The following MDGA2 variants were observed in gnomAD, a reference collection of about 807,000 sequenced individuals.
MDGA2 encodes MAM domain containing glycosylphosphatidylinositol anchor 2.
In MDGA2, 40 loss-of-function variants were observed where a neutral mutation model predicts 117.8. That is an observed-to-expected ratio of 0.34 (90% CI 0.26 to 0.44). The LOEUF is 0.44. Among genes scored for constraint, MDGA2 ranks in the 20% least tolerant of loss-of-function variants. The pLI, the probability that MDGA2 is intolerant of heterozygous loss-of-function variation, is 1.00. For missense variants in MDGA2, 1,123 were observed against 1,250.6 expected, an observed-to-expected ratio of 0.90 and a Z score of 1.54; for synonymous variants, 452 against 439.0, an observed-to-expected ratio of 1.03 and a Z score of -0.37.
chr14:47,183,187 A>G (rs77194036), intron 3 of MDGA2, among the ~76,000 whole-genome samples: 1,760 of 152,208 alleles, frequency 0.012, 41 homozygotes, highest in African/African-American at 0.041. Flanking sequence ...ACTACATTTG[A>G]GACATCTACA....
chr14:47,497,364 C>A (rs1298960018), intron 1 of MDGA2, among the ~76,000 whole-genome samples: 6 of 152,164 alleles, frequency 3.9e-5, no homozygotes, highest in Admixed American at 3.3e-4. Context: ...TCAATCAATT[C>A]TCCTGCCTCA....
chr14:46,928,869 T>C (rs1037972052), intron 9 of MDGA2, among the ~76,000 whole-genome samples: 1 of 152,220 alleles, frequency 6.6e-6, no homozygotes, highest in Non-Finnish European at 1.5e-5. Flanking sequence ...TGGAAAATGT[T>C]TTCTATAAAA....
intron 2 of MDGA2, among the ~76,000 whole-genome samples, chr14:47,224,330 T>TAGATATAGATA (rs1566688963): frequency 4.0e-5 from 6 of 151,822 alleles, no homozygotes; most frequent in East Asian, 1.9e-4. Flanking sequence ...GATATAGATA[T>TAGATATAGATA]TTCCTGAAAC....
intron 1 of MDGA2, among the ~76,000 whole-genome samples, chr14:47,668,858 C>A (rs1275949410): frequency 6.6e-6 from 1 of 152,212 alleles, no homozygotes; most frequent in Non-Finnish European, 1.5e-5. Flanking sequence ...CTCTCGAGCT[C>A]AGTTCCCAGA....
chr14:47,478,159 A>G (rs1893881751), intron 1 of MDGA2, among the ~76,000 whole-genome samples: 1 of 152,220 alleles, frequency 6.6e-6, no homozygotes, highest in Non-Finnish European at 1.5e-5. Flanking sequence ...TTAACCTTAA[A>G]AAGTTTCAGT....
At chr14:47,057,624 CTCCCCTCCCCTCCCCTCCTT>C (rs201194075) in intron 7 of MDGA2, among the ~76,000 whole-genome samples, 90,392 of 118,846 alleles carry the variant, frequency 0.76, 31,704 homozygotes, top group East Asian at 0.89. Context: ...TTTCCCTCCT[CTCCCCTCCCCTCCCCTCCTT>C]TCCCCTCCCC....
chr14:46,987,004 A>G (rs1472479478), intron 8 of MDGA2, among the ~76,000 whole-genome samples: 1 of 152,052 alleles, frequency 6.6e-6, no homozygotes, highest in Non-Finnish European at 1.5e-5. Flanking sequence ...ACAACTCTGT[A>G]CCAGTTTTAT....
intron 1 of MDGA2, among the ~76,000 whole-genome samples, chr14:47,669,998 C>A (rs995378641): frequency 1.6e-4 from 24 of 152,102 alleles, no homozygotes; most frequent in African/African-American, 5.8e-4. Flanking sequence ...CACTAAAATA[C>A]CATCTGAAAT....
chr14:47,147,648 G>T (rs1037531111), intron 3 of MDGA2, among the ~76,000 whole-genome samples: 1 of 152,140 alleles, frequency 6.6e-6, no homozygotes, highest in Non-Finnish European at 1.5e-5. Flanking sequence ...TCTCAGCAGC[G>T]GGAGGAATGA....
At chr14:47,626,641 C>G (rs970267519) in intron 1 of MDGA2, 5 of 152,560 alleles carry the variant, frequency 3.3e-5, no homozygotes, top group Non-Finnish European at 4.4e-5. Flanking sequence ...TGGCGGGCCC[C>G]GCACTGGGAG....
intron 5 of MDGA2, among the ~76,000 whole-genome samples, chr14:47,100,117 A>T (rs1024046318): frequency 6.6e-6 from 1 of 152,076 alleles, no homozygotes; most frequent in Non-Finnish European, 1.5e-5. Flanking sequence ...ATTTAAATAC[A>T]TCTCTACATT....
chr14:47,219,405 A>G (rs1238305635), intron 2 of MDGA2, among the ~76,000 whole-genome samples: 1 of 152,076 alleles, frequency 6.6e-6, no homozygotes. Context: ...AAAAAGAAAT[A>G]TCAATATTTA....
intron 1 of MDGA2, among the ~76,000 whole-genome samples, chr14:47,453,281 T>A (rs1173071689): frequency 3.3e-5 from 5 of 152,108 alleles, no homozygotes; most frequent in Non-Finnish European, 7.4e-5. Context: ...ATTTCTTAAA[T>A]TCCTTTTCTT....
At chr14:47,418,865 G>T (rs1299776987) in intron 1 of MDGA2, among the ~76,000 whole-genome samples, 2 of 152,040 alleles carry the variant, frequency 1.3e-5, no homozygotes, top group Admixed American at 6.6e-5. Context: ...CATTGGAAAG[G>T]GTTTATTTGT....
At chr14:47,561,817 G>C (rs1406057454) in intron 1 of MDGA2, among the ~76,000 whole-genome samples, 2 of 152,132 alleles carry the variant, frequency 1.3e-5, no homozygotes, top group Admixed American at 1.3e-4. Flanking sequence ...TTTTGAAGGG[G>C]AATATTTCTA....
intron 7 of MDGA2, among the ~76,000 whole-genome samples, chr14:47,056,812 G>C (rs1246265911): frequency 6.6e-6 from 1 of 152,100 alleles, no homozygotes; most frequent in African/African-American, 2.4e-5. Flanking sequence ...TGACAATCAA[G>C]TGACAATAAT....
chr14:47,380,696 C>T (rs565771775), intron 1 of MDGA2, among the ~76,000 whole-genome samples: 11 of 151,958 alleles, frequency 7.2e-5, no homozygotes, highest in Admixed American at 5.2e-4. Flanking sequence ...CAATTACAGG[C>T]TCTGAAATTG....
intron 1 of MDGA2, among the ~76,000 whole-genome samples, chr14:47,530,523 T>A (rs1027311825): frequency 2.6e-5 from 4 of 152,202 alleles, no homozygotes; most frequent in African/African-American, 9.7e-5. Flanking sequence ...AATTACTTCA[T>A]CCCCATGTGA....
At chr14:47,599,928 A>G (rs1246909905) in intron 1 of MDGA2, among the ~76,000 whole-genome samples, 2 of 152,172 alleles carry the variant, frequency 1.3e-5, no homozygotes, top group African/African-American at 2.4e-5. Context: ...AACCTACTGC[A>G]TATTTCACAT....
Sources: allele counts gnomAD v4.1 joint callset (sites outside exome capture counted in the v4.1 genomes callset), GRCh38; gene constraint gnomAD v4.1.1; transcripts MANE v1.5; gene names NCBI Gene and HGNC (gene_info 2026-07-23, HGNC 2026-07-21).